PATZ1: variants seen among roughly 807,000 people sequenced by gnomAD.
The protein encoded by PATZ1 is POZ/BTB and AT hook containing zinc finger 1.
In PATZ1, 9 loss-of-function variants were observed where a neutral mutation model predicts 46.2. The observed-to-expected ratio is 0.19, with a 90% CI of 0.12 to 0.34. The LOEUF (loss-of-function observed/expected upper bound fraction) is 0.34. Among genes scored for constraint, PATZ1 ranks in the 10% least tolerant of loss-of-function variants. The probability of loss-of-function intolerance (pLI) is 1.00; values close to 1 mark genes in which losing one functional copy is unlikely to be tolerated. For synonymous variants in PATZ1, 426 were observed against 378.6 expected, an observed-to-expected ratio of 1.13 and a Z score of -1.45; for missense variants, 632 against 923.0, an observed-to-expected ratio of 0.68 and a Z score of 4.08.
Position 31,337,448 on chromosome 22 carries a change from C to T in PATZ1, c.1336-1585G>A, listed in dbSNP as rs978844086. ...TTGGCAGGCACTTCCTGTACCTGAG[C>T]ACCTGACTTAGTACCAGTGATCAGT... On this transcript the variant is annotated intron_variant, in intron 2 of 4. Transcript: ENST00000266269. Among the ~76,000 whole-genome samples, 6 of 152,190 alleles carry T rather than the reference C, an allele frequency of 3.9e-5. No individual in the cohort carries two copies. The South Asian group carries it at 1.0e-3, about 26-fold the overall frequency.
chr22:31,342,951 G>A lies in PATZ1; in HGVS notation c.1281C>T (p.His427=). Residue 427 remains histidine, a synonymous_variant, in exon 2 of 5, where the codon CAC becomes CAT. Transcript: ENST00000266269. ...SCGKGFSRPD[H]LNGHIKQVHT... is the part of the protein sequence containing the mutation. Reference sequence around the variant, plus strand: ...GCACCTGCTTGATATGTCCGTTCAAGTGATCAGGCCTGGAAAAGAGAGAAC... The same window carrying A: ...GCACCTGCTTGATATGTCCGTTCAAATGATCAGGCCTGGAAAAGAGAGAAC... 4.3e-6 allele frequency: 7 copies of A among 1,613,986 alleles called. No individual in the cohort carries two copies. Among genetic ancestry groups the A allele is most frequent in the Non-Finnish European group, 5.9e-6 (7 of 1,179,906 alleles).
rs199883698 is a variant in PATZ1 at position 31,333,312 on chromosome 22, CTTTG to C, written c.1507+2376_1507+2379del. 1.4e-3 allele frequency among the ~76,000 whole-genome samples: 214 copies of C among 152,298 alleles called. 4 individuals carry two copies. In the East Asian group the frequency reaches 0.028, roughly 20 times the overall value. ...AATCTTAACTGTTCTGACATTCAGC[CTTTG>C]TTTGAACACATGCAGAGATAAGAAC... On this transcript the variant is annotated intron_variant, in intron 3 of 4. Coordinates refer to ENST00000266269, the MANE Select transcript of PATZ1 (RefSeq NM_014323.3).
At chr22:31,330,279 A>G (rs2049423374) in intron 3 of PATZ1, among the ~76,000 whole-genome samples, 1 of 140,062 alleles carries the variant, frequency 7.1e-6, no homozygotes, top group Non-Finnish European at 1.6e-5. Context: ...GATTACTATT[A>G]TACCCATTTT....
intron 3 of PATZ1, among the ~76,000 whole-genome samples, chr22:31,329,214 G>A (rs1046611327): frequency 2.6e-5 from 4 of 152,220 alleles, no homozygotes; most frequent in Non-Finnish European, 5.9e-5. Flanking sequence ...TCCTGCTAGG[G>A]CCAGAGGCCA....
chr22:31,336,263 T>C (rs149190658), intron 2 of PATZ1, among the ~76,000 whole-genome samples: 1 of 152,336 alleles, frequency 6.6e-6, no homozygotes, highest in East Asian at 1.9e-4. Flanking sequence ...GTTATTGGCA[T>C]ATAAACCAGC....
intron 3 of PATZ1, among the ~76,000 whole-genome samples, chr22:31,330,096 CT>C (rs1255714083): frequency 6.6e-6 from 1 of 152,150 alleles, no homozygotes; most frequent in East Asian, 1.9e-4. Context: ...CTGAAGAGTA[CT>C]GTGTAATGTC....
At chr22:31,334,923 A>T (rs774976068) in intron 3 of PATZ1, among the ~76,000 whole-genome samples, 1 of 152,134 alleles carries the variant, frequency 6.6e-6, no homozygotes, top group Non-Finnish European at 1.5e-5. Context: ...AAGCATCCTC[A>T]CGTTCACAGA....
In PATZ1 at chr22:31,327,398, C is replaced by T. The variant is rs2049381669; in HGVS notation, c.1646-89G>A. On this transcript the variant is annotated intron_variant, in intron 4 of 4. Coordinates refer to ENST00000266269, the MANE Select transcript of PATZ1 (RefSeq NM_014323.3). The surrounding 1 kb of genome is among the most constrained non-coding windows in gnomAD (Gnocchi z 4.2). Reference sequence around the variant, plus strand: ...GGGTCATGAGGGGCCAGCTCACAGACCTGTGGAGGGCAGCCATTGGCCAGC... The same window carrying T: ...GGGTCATGAGGGGCCAGCTCACAGATCTGTGGAGGGCAGCCATTGGCCAGC... The T allele has an allele frequency of 1.8e-6, 2 of 1,120,504 alleles. No individual in the cohort carries two copies. The highest frequency in any genetic ancestry group is 1.6e-5 in the African/African-American group (1 of 64,414). 69.4% of individuals were successfully genotyped at this position (1,120,504 alleles called of 1,614,324 possible). A position where few individuals can be genotyped will look rare whatever the true frequency, so the allele number is the denominator to read the frequency against.
In PATZ1 at chr22:31,327,186, A is replaced by G; in HGVS notation, c.1769T>C (p.Met590Thr). 6.2e-7 allele frequency: 1 copy of G among 1,614,194 alleles called. No individual in the cohort carries two copies. The highest frequency in any genetic ancestry group is 8.5e-7 in the Non-Finnish European group (1 of 1,180,040). Residue 590 changes from methionine (M) to threonine (T), a missense_variant, in exon 5 of 5, where the codon ATG (methionine) becomes ACG (threonine). Met to Thr is a moderately conservative substitution (Grantham distance 81). This residue lies in a region of PATZ1 where 176 missense variants were observed against 249.4 expected (regional missense o/e 0.71). Transcript: ENST00000266269. The surrounding 1 kb of genome is among the most constrained non-coding windows in gnomAD (Gnocchi z 4.2). ...CTCCATTTTGTTTTTGGGGACTGCC[A>G]TGTCGCAGGAGAAAGAGCCATTGGC... ...QSANGSFSCD[M>T]AVPKNKMESD... is the part of the protein sequence containing the mutation.
Position 31,343,086 on chromosome 22 carries a change from C to T in PATZ1, c.1272-126G>A. 2 of 1,478,730 alleles carry T rather than the reference C, an allele frequency of 1.4e-6. 1 individual carries two copies. Among genetic ancestry groups the T allele is most frequent in the South Asian group, 2.7e-5 (2 of 74,574 alleles). 91.6% of individuals were successfully genotyped at this position (1,478,730 alleles called of 1,614,324 possible). On this transcript the variant is annotated intron_variant, in intron 1 of 4. Transcript: ENST00000266269. Reference sequence around the variant, plus strand: ...TGGAAAGGACTCCCTCTCCCCAACCCCAGCATGACAAAGACAAAGTCACCA... The same window carrying T: ...TGGAAAGGACTCCCTCTCCCCAACCTCAGCATGACAAAGACAAAGTCACCA...
At position 31,329,965 on chromosome 22, in the gene PATZ1, G is replaced by C. The variant is rs184155073; in HGVS notation, c.1508-1041C>G. On this transcript the variant is annotated intron_variant, in intron 3 of 4. Coordinates refer to ENST00000266269, the MANE Select transcript of PATZ1 (RefSeq NM_014323.3). ...CACTTAGGGTGCCAGCACCCTGACA[G>C]TGTCCCTTTAATCCACTTCAGATCT... 3.3e-5 allele frequency among the ~76,000 whole-genome samples: 5 copies of C among 152,348 alleles called. No individual in the cohort carries two copies. In the East Asian group the frequency reaches 9.6e-4, roughly 29 times the overall value.
At position 31,326,864 on chromosome 22, in the gene PATZ1, T is replaced by G; in HGVS notation, c.*27A>C. Reference sequence around the variant, plus strand: ...CATTTCCCAGCAGTCCCCAGATGGTTGTTTCCGTGGGGACACAGCAGCTGC... The same window carrying G: ...CATTTCCCAGCAGTCCCCAGATGGTGGTTTCCGTGGGGACACAGCAGCTGC... On this transcript the variant is annotated 3_prime_UTR_variant, in exon 5 of 5. Transcript: ENST00000266269. 6.3e-7 allele frequency: 1 copy of G among 1,582,110 alleles called. No homozygotes were observed. The highest frequency in any genetic ancestry group is 8.6e-7 in the Non-Finnish European group (1 of 1,161,356).
Position 31,344,632 on chromosome 22 carries a change from A to T in PATZ1, c.971T>A (p.Ile324Asn). ...ACCCAGCCTCGGAGGAGGAAGGTCGATGTAGCCCAGCTGGAGGCTGGTGAC... is the reference window on the plus strand; with the variant it reads ...ACCCAGCCTCGGAGGAGGAAGGTCGTTGTAGCCCAGCTGGAGGCTGGTGAC... The part of the protein sequence containing the change: ...HGVTSLQLGY[I>N]DLPPPRLGEN... Residue 324 changes from isoleucine to asparagine, a missense_variant, in exon 1 of 5, where the codon ATC (isoleucine) becomes AAC (asparagine). Coordinates refer to ENST00000266269, the MANE Select transcript of PATZ1 (RefSeq NM_014323.3). 1 of 1,614,058 alleles carries T rather than the reference A, an allele frequency of 6.2e-7. No individual in the cohort carries two copies. Among genetic ancestry groups the T allele is most frequent in the Admixed American group, 1.7e-5 (1 of 60,032 alleles).
At position 31,326,813 on chromosome 22, in the gene PATZ1, A is replaced by G; in HGVS notation, c.*78T>C. On this transcript the variant is annotated 3_prime_UTR_variant, in exon 5 of 5. Transcript: ENST00000266269. Reference sequence around the variant, plus strand: ...AAAAATCTCTCAGCTACAGAACCCAAACATCACTTCCCTCCGCATTCACAG... The same window carrying G: ...AAAAATCTCTCAGCTACAGAACCCAGACATCACTTCCCTCCGCATTCACAG... The G allele has an allele frequency of 7.5e-7, 1 of 1,325,404 alleles. No homozygotes were observed. Among genetic ancestry groups the G allele is most frequent in the Admixed American group, 2.5e-5 (1 of 40,678 alleles). The allele number at this position is 1,325,404 out of a possible 1,614,324, so 82.1% of individuals were successfully genotyped here. A position where few individuals can be genotyped will look rare whatever the true frequency, so the allele number is the denominator to read the frequency against.
chr22:31,343,320 A>G, intron 1 of PATZ1: 1 of 1,028,550 alleles, frequency 9.7e-7, no homozygotes, highest in South Asian at 3.5e-5. Context: ...TATGTGATTC[A>G]TTGTCCAGAC....
intron 1 of PATZ1, 78 bp downstream of exon 1, chr22:31,344,254 C>A: frequency 7.5e-7 from 1 of 1,338,234 alleles, no homozygotes; most frequent in South Asian, 1.4e-5. Context: ...ACAAATCCCA[C>A]ACCCCCAGAT....
At chr22:31,334,173 C>T (rs5997957) in intron 3 of PATZ1, among the ~76,000 whole-genome samples, 144 of 152,280 alleles carry the variant, frequency 9.5e-4, no homozygotes, top group African/African-American at 3.3e-3. Flanking sequence ...TGAAGCAAGA[C>T]AAGAAACGAC....
chr22:31,336,452 A>G (rs1476287906), intron 2 of PATZ1, among the ~76,000 whole-genome samples: 1 of 152,172 alleles, frequency 6.6e-6, no homozygotes, highest in African/African-American at 2.4e-5. Flanking sequence ...AGCCCATTAA[A>G]TGATAGTGGC....
chr22:31,328,997 C>A lies in PATZ1; in HGVS notation c.1508-73G>T. On this transcript the variant is annotated intron_variant, in intron 3 of 4. Transcript: ENST00000266269. This position sits in a 1 kb window ranked among gnomAD's most constrained non-coding sequence, Gnocchi z 4.8. ...CTCTCTCCTTCCCCCAACTCCTCTC[C>A]TCTGGCCGCTCTGGCTAGCATTCCC... 6.9e-7 allele frequency: 1 copy of A among 1,457,364 alleles called. No homozygotes were observed. The highest frequency in any genetic ancestry group is 1.4e-5 in the South Asian group (1 of 73,816). The allele number at this position is 1,457,364 out of a possible 1,614,324, so 90.3% of individuals were successfully genotyped here.
Sources: gnomAD v4.1 joint callset for allele counts (sites outside exome capture counted in the v4.1 genomes callset) on GRCh38, gnomAD v4.1.1 for gene constraint, gnomAD v4.1.1 regional missense constraint, Gnocchi (gnomAD v3.1) non-coding constraint, MANE v1.5 for transcripts, NCBI Gene and HGNC (gene_info 2026-07-23, HGNC 2026-07-21) for gene names.